NR5A2: variants seen among roughly 807,000 people sequenced by gnomAD.
The protein encoded by NR5A2 is nuclear receptor subfamily 5 group A member 2, also known as CYP7A promoter-binding factor.
A neutral mutation model predicts 62.7 loss-of-function variants in NR5A2; 26 were observed. That is an observed-to-expected ratio of 0.41 (90% CI 0.30 to 0.58). The LOEUF (loss-of-function observed/expected upper bound fraction) is 0.58. Ranked by LOEUF, NR5A2 falls within the 20% of genes least tolerant of loss-of-function variation. The pLI is 0.22. For synonymous variants in NR5A2, 246 were observed against 241.7 expected (o/e 1.02, Z -0.16); for missense variants, 541 against 669.1 (o/e 0.81, Z 2.11).
chr1:200,152,362 G>A (rs536262693), intron 7 of NR5A2, among the ~76,000 whole-genome samples: 1 of 152,054 alleles, frequency 6.6e-6, no homozygotes, highest in African/African-American at 2.4e-5. Flanking sequence ...CTACATAAAG[G>A]TTTTCCATAT....
rs1036053183 is a variant in NR5A2, at chr1:200,048,572, A to G, written c.864A>G (p.Ser288=). 2 of 1,614,184 alleles carry G rather than the reference A, an allele frequency of 1.2e-6. No homozygotes were observed. Among genetic ancestry groups the G allele is most frequent in the African/African-American group, 1.3e-5 (1 of 75,050 alleles). The change falls in exon 5 of 8, where the codon TCA becomes TCG. Residue 288 remains serine (S), a synonymous_variant. Transcript: ENST00000367362. The surrounding 1 kb of genome is among the most constrained non-coding windows in gnomAD (Gnocchi z 4.8). ...CACCCGAGTCCATAATGGGCTATTC[A>G]TATATGGATAGTTACCAGACGAGCT... ...TSSPESIMGY[S]YMDSYQTSSP... is the part of the protein sequence containing the mutation.
At chr1:200,084,336 A>G (rs1252939219) in intron 5 of NR5A2, among the ~76,000 whole-genome samples, 1 of 152,196 alleles carries the variant, frequency 6.6e-6, no homozygotes, top group East Asian at 1.9e-4. Flanking sequence ...CAACTGGCAT[A>G]TGGTGAGTTC....
intron 5 of NR5A2, among the ~76,000 whole-genome samples, chr1:200,107,834 T>C (rs1665762194): frequency 6.6e-6 from 1 of 150,884 alleles, no homozygotes; most frequent in South Asian, 2.1e-4. Context: ...TTTCACCATG[T>C]TGGCCAGACT....
intron 5 of NR5A2, among the ~76,000 whole-genome samples, chr1:200,051,852 T>A (rs1051082697): frequency 6.6e-6 from 1 of 152,174 alleles, no homozygotes; most frequent in African/African-American, 2.4e-5. Context: ...TCAATTTTTT[T>A]AATCATGACC....
chr1:200,157,451 A>T (rs2102374094), intron 7 of NR5A2, among the ~76,000 whole-genome samples: 1 of 152,348 alleles, frequency 6.6e-6, no homozygotes, highest in African/African-American at 2.4e-5. Context: ...ATATGATCAG[A>T]TAATAAGATA....
Position 200,120,829 on chromosome 1 carries a change from T to C in NR5A2, c.1252T>C (p.Ser418Pro), listed in dbSNP as rs1666447616. ...GQQVDYSIIA[S>P]QAGATLNNLM... ...GCAGGTGGACTATTCCATAATAGCA[T>C]CACAAGCCGGAGCCACCCTCAACAA... Residue 418 changes from serine (S) to proline (P), a missense_variant, in exon 7 of 8, where the codon TCA becomes CCA. By Grantham distance (74) the Ser-to-Pro change is moderately conservative. Around this residue, in one of 3 missense-constraint regions of NR5A2, gnomAD observed 379 missense variants for 442.0 expected, o/e 0.86. Transcript: ENST00000367362. The C allele has an allele frequency of 1.3e-6, 2 of 1,571,426 alleles. No homozygotes were observed. The highest frequency in any genetic ancestry group is 1.2e-5 in the South Asian group (1 of 82,360).
chr1:200,101,481 G>A (rs1665366020), intron 5 of NR5A2, among the ~76,000 whole-genome samples: 1 of 152,168 alleles, frequency 6.6e-6, no homozygotes, highest in East Asian at 1.9e-4. Flanking sequence ...TCATGAAAGA[G>A]TCACCCTACT....
chr1:200,140,040 G>A (rs141417426), intron 7 of NR5A2, among the ~76,000 whole-genome samples: 536 of 152,230 alleles, frequency 3.5e-3, no homozygotes, highest in Middle Eastern at 0.031. Flanking sequence ...TGGATTATAA[G>A]ATGATTTCAC....
At chr1:200,096,060 T>C (rs1665082767) in intron 5 of NR5A2, among the ~76,000 whole-genome samples, 1 of 151,478 alleles carries the variant, frequency 6.6e-6, no homozygotes, top group Admixed American at 6.6e-5. Context: ...ATTCTAGTTA[T>C]CAATCTACAC....
chr1:200,130,432 T>C (rs1666924235), intron 7 of NR5A2, among the ~76,000 whole-genome samples: 1 of 152,184 alleles, frequency 6.6e-6, no homozygotes, highest in Admixed American at 6.5e-5. Context: ...CAGTACCAGG[T>C]GTACCATTTG....
intron 5 of NR5A2, among the ~76,000 whole-genome samples, chr1:200,103,787 C>G (rs1409554655): frequency 6.6e-6 from 1 of 152,072 alleles, no homozygotes; most frequent in Non-Finnish European, 1.5e-5. Context: ...TTAGGGAGAT[C>G]TGGTTTAGTG....
intron 3 of NR5A2, 161 bp downstream of exon 3, chr1:200,044,053 T>G (rs1188210827): frequency 4.0e-5 from 20 of 496,134 alleles, no homozygotes; most frequent in Middle Eastern, 3.4e-4. Context: ...GAAGTGTGTG[T>G]CTGATTTAGT....
At chr1:200,105,732 C>T (rs1364289805) in intron 5 of NR5A2, among the ~76,000 whole-genome samples, 1 of 152,048 alleles carries the variant, frequency 6.6e-6, no homozygotes, top group Non-Finnish European at 1.5e-5. Context: ...CAGGAGGATA[C>T]CTTGAGTCTA....
chr1:200,060,096 C>T (rs567811986), intron 5 of NR5A2, among the ~76,000 whole-genome samples: 2 of 152,310 alleles, frequency 1.3e-5, no homozygotes, highest in South Asian at 4.2e-4. Context: ...TCATGGGGCA[C>T]ACTAACCTTG....
intron 7 of NR5A2, among the ~76,000 whole-genome samples, chr1:200,158,557 A>C (rs1454868495): frequency 1.3e-5 from 2 of 152,120 alleles, no homozygotes; most frequent in Non-Finnish European, 2.9e-5. Context: ...CTTTAGATAG[A>C]ATTTATTTTT....
intron 5 of NR5A2, among the ~76,000 whole-genome samples, chr1:200,077,403 T>C (rs1266875915): frequency 6.6e-6 from 1 of 152,220 alleles, no homozygotes; most frequent in Non-Finnish European, 1.5e-5. Context: ...CAAAATTAAT[T>C]GCGGTTTTTG....
chr1:200,120,757 A>G, intron 6 of NR5A2, 51 bp from the exon 7 acceptor site: 1 of 1,489,510 alleles, frequency 6.7e-7, no homozygotes, highest in Non-Finnish European at 8.9e-7. Context: ...CTCAGGTGAA[A>G]TACATATTGC....
At position 200,175,269 on chromosome 1, in the gene NR5A2, G is replaced by T. The variant is rs147213131; in HGVS notation, c.*1059G>T. On this transcript the variant is annotated 3_prime_UTR_variant, in exon 8 of 8. Transcript: ENST00000367362. The stretch of plus-strand genomic sequence containing the variant: ...AAGAGAAAGGAAAGGATGAGGTGAT[G>T]TATTGACTCAAGGTTCATTCTTGCT... 3.2e-4 allele frequency: 49 copies of T among 152,530 alleles called. No homozygotes were observed. Among genetic ancestry groups the T allele is most frequent in the African/African-American group, 1.2e-3 (49 of 41,588 alleles). 9.4% of individuals were successfully genotyped at this position (152,530 alleles called of 1,614,324 possible). A position where few individuals can be genotyped will look rare whatever the true frequency, so the allele number is the denominator to read the frequency against.
Position 200,092,866 on chromosome 1 carries a change from G to A in NR5A2, c.1111-18336G>A, listed in dbSNP as rs926028310. Among the ~76,000 whole-genome samples, 476 of 134,584 alleles carry A rather than the reference G, an allele frequency of 3.5e-3. 2 individuals are homozygous for A. The highest frequency in any genetic ancestry group is 5.7e-3 in the Non-Finnish European group (362 of 63,626). The allele number at this position is 134,584 out of a possible 152,430, so 88.3% of individuals were successfully genotyped here. A position where few individuals can be genotyped will look rare whatever the true frequency, so the allele number is the denominator to read the frequency against. On this transcript the variant is annotated intron_variant, in intron 5 of 7. Transcript: ENST00000367362. Reference sequence around the variant, plus strand: ...AAGTGTAACATTGATATTACTAAAAGACAGGTCTTTTTTTTTTTTTTTTTT... The same window carrying A: ...AAGTGTAACATTGATATTACTAAAAAACAGGTCTTTTTTTTTTTTTTTTTT...
Sources: allele counts gnomAD v4.1 joint callset (sites outside exome capture counted in the v4.1 genomes callset), GRCh38; gene constraint gnomAD v4.1.1; regional missense constraint gnomAD v4.1.1; non-coding constraint Gnocchi (gnomAD v3.1); transcripts MANE v1.5; gene names NCBI Gene and HGNC (gene_info 2026-07-23, HGNC 2026-07-21).